Variants in TMEM117 observed in about 807,000 individuals in gnomAD.
TMEM117 encodes transmembrane protein 117.
Under a neutral mutation model 52.4 loss-of-function variants are expected in TMEM117, and 27 were observed. The ratio of observed to expected loss-of-function variants is 0.51; its 90% CI spans 0.38 to 0.71. The LOEUF is 0.71. Among genes scored for constraint, TMEM117 ranks in the 30% least tolerant of loss-of-function variants. The probability of loss-of-function intolerance (pLI) is 0.00; values close to 1 mark genes in which losing one functional copy is unlikely to be tolerated. For missense variants in TMEM117, 556 were observed against 630.5 expected, an observed-to-expected ratio of 0.88 and a Z score of 1.26; for synonymous variants, 215 against 206.3, an observed-to-expected ratio of 1.04 and a Z score of -0.36.
chr12:44,014,172 G>A (rs1184741538), intron 3 of TMEM117, among the ~76,000 whole-genome samples: 2 of 152,152 alleles, frequency 1.3e-5, no homozygotes, highest in South Asian at 2.1e-4. Context: ...CTGGCTCTAG[G>A]TAGATAGGCC....
intron 3 of TMEM117, among the ~76,000 whole-genome samples, chr12:44,078,624 T>A (rs557893383): frequency 1.3e-5 from 2 of 152,214 alleles, no homozygotes; most frequent in Non-Finnish European, 2.9e-5. Context: ...CTGAGGATAC[T>A]CAGTTTAATA....
chr12:43,804,664 A>G, the TMEM117 span: 8 of 830,646 alleles, frequency 9.6e-6, no homozygotes, highest in Admixed American at 2.6e-5. Context: ...ATACAAAGAA[A>G]AAATCTGGAG....
At chr12:44,165,370 A>G (rs1948952217) in intron 4 of TMEM117, among the ~76,000 whole-genome samples, 1 of 152,254 alleles carries the variant, frequency 6.6e-6, no homozygotes. Flanking sequence ...CTCACCTATC[A>G]GTAAACTTCA....
At chr12:44,343,652 A>G (rs1250671375) in intron 6 of TMEM117, among the ~76,000 whole-genome samples, 2 of 152,132 alleles carry the variant, frequency 1.3e-5, no homozygotes, top group Admixed American at 6.6e-5. Flanking sequence ...AATCAGGTTG[A>G]CCAAAATTTA....
At chr12:44,390,217 C>G (rs1239732575), downstream of TMEM117, among the ~76,000 whole-genome samples, 1 of 151,824 alleles carries the variant, frequency 6.6e-6, no homozygotes, top group Non-Finnish European at 1.5e-5. Flanking sequence ...CACACACACA[C>G]ACACACACAC....
At chr12:44,098,445 C>G (rs1947809530) in intron 3 of TMEM117, among the ~76,000 whole-genome samples, 1 of 152,162 alleles carries the variant, frequency 6.6e-6, no homozygotes, top group South Asian at 2.1e-4. Context: ...CATGCTAACT[C>G]TCTAAGTTTC....
At chr12:44,262,886 C>T (rs1005171866) in intron 5 of TMEM117, among the ~76,000 whole-genome samples, 47 of 152,304 alleles carry the variant, frequency 3.1e-4, no homozygotes, top group East Asian at 2.9e-3. Flanking sequence ...TGCGCCCCGC[C>T]GAGGTTCATT....
chr12:43,806,099 C>G, the TMEM117 span: 1 of 1,521,390 alleles, frequency 6.6e-7, no homozygotes, highest in East Asian at 2.5e-5. Flanking sequence ...GCCCGGCTCG[C>G]CCCGCGAGAC....
chr12:43,839,748 T>C (rs1592296568), intron 1 of TMEM117, among the ~76,000 whole-genome samples: 1 of 152,248 alleles, frequency 6.6e-6, no homozygotes, highest in Admixed American at 6.5e-5. Context: ...CCCTAGCACA[T>C]AGGCCAGTGC....
chr12:44,277,462 T>G (rs1278283538), intron 5 of TMEM117, among the ~76,000 whole-genome samples: 1 of 152,178 alleles, frequency 6.6e-6, no homozygotes, highest in Non-Finnish European at 1.5e-5. Context: ...GGTCAAAAGT[T>G]TGTTGAGACA....
intron 3 of TMEM117, among the ~76,000 whole-genome samples, chr12:44,026,028 A>G (rs1946528111): frequency 6.6e-6 from 1 of 152,190 alleles, no homozygotes; most frequent in African/African-American, 2.4e-5. Context: ...CTGTGGACCA[A>G]TAATCTTTTC....
chr12:43,811,992 A>T, the TMEM117 span, among the ~76,000 whole-genome samples: 1 of 152,226 alleles, frequency 6.6e-6, no homozygotes, highest in South Asian at 2.1e-4. Flanking sequence ...ATTGTAAGAG[A>T]TACATATATC....
intron 3 of TMEM117, among the ~76,000 whole-genome samples, chr12:44,021,256 C>T (rs1407604503): frequency 1.3e-5 from 2 of 152,140 alleles, no homozygotes; most frequent in Non-Finnish European, 2.9e-5. Flanking sequence ...TCCTCTTTCT[C>T]CTCCCATCCT....
the TMEM117 span, among the ~76,000 whole-genome samples, chr12:43,819,123 G>C: frequency 6.6e-6 from 1 of 152,200 alleles, no homozygotes; most frequent in Non-Finnish European, 1.5e-5. Flanking sequence ...GCGGAGGGGA[G>C]GAGGGGAAGG....
chr12:44,324,708 C>A (rs1012997074), intron 6 of TMEM117, among the ~76,000 whole-genome samples: 2 of 152,128 alleles, frequency 1.3e-5, no homozygotes, highest in Non-Finnish European at 2.9e-5. Context: ...TTCTATGTTA[C>A]TGTTTTGCAA....
intron 3 of TMEM117, among the ~76,000 whole-genome samples, chr12:44,017,326 CTTTTTT>C (rs79007657): frequency 1.0e-5 from 1 of 97,128 alleles, no homozygotes; most frequent in Non-Finnish European, 2.1e-5. Flanking sequence ...TCTTTCTTTC[CTTTTTT>C]TTTTTTTTTT....
intron 3 of TMEM117, among the ~76,000 whole-genome samples, chr12:44,042,383 A>G (rs143799564): frequency 4.2e-4 from 64 of 151,450 alleles, no homozygotes; most frequent in Admixed American, 1.8e-3. Flanking sequence ...AAGCATAGTT[A>G]TTGTGATGGT....
intron 5 of TMEM117, among the ~76,000 whole-genome samples, chr12:44,267,570 GT>G (rs542357537): frequency 3.3e-5 from 5 of 152,092 alleles, no homozygotes; most frequent in Non-Finnish European, 7.4e-5. Context: ...AAAATTGTAA[GT>G]TTACAACACA....
chr12:43,910,669 A>G, intron 2 of TMEM117, among the ~76,000 whole-genome samples: 1 of 146,724 alleles, frequency 6.8e-6, no homozygotes, highest in Admixed American at 6.9e-5. Flanking sequence ...AAATCAATGT[A>G]CAAAAATCAC....
Sources: allele counts gnomAD v4.1 joint callset (sites outside exome capture counted in the v4.1 genomes callset), GRCh38; gene constraint gnomAD v4.1.1; transcripts MANE v1.5; gene names NCBI Gene and HGNC (gene_info 2026-07-23, HGNC 2026-07-21).